The following LRRC4C variants were observed in gnomAD, a reference collection of about 807,000 sequenced individuals.
The protein encoded by LRRC4C is leucine-rich repeat-containing protein 4C.
In LRRC4C, 5 loss-of-function variants were observed where a neutral mutation model predicts 33.6. That is an observed-to-expected ratio of 0.15 (90% confidence interval 0.08 to 0.31). The LOEUF (loss-of-function observed/expected upper bound fraction) is 0.31. Among genes scored for constraint, LRRC4C ranks in the 10% least tolerant of loss-of-function variants. The pLI, the probability that LRRC4C is intolerant of heterozygous loss-of-function variation, is 1.00. For synonymous variants in LRRC4C, 329 were observed against 302.0 expected (o/e 1.09, Z -0.93); for missense variants, 560 against 796.7 (o/e 0.70, Z 3.58).
At chr11:40,784,855 T>C (rs1265767205) in intron 2 of LRRC4C, among the ~76,000 whole-genome samples, 1 of 151,174 alleles carries the variant, frequency 6.6e-6, no homozygotes, top group Non-Finnish European at 1.5e-5. Flanking sequence ...ATCCAATAAA[T>C]TAGAAAGAAG....
At chr11:40,701,352 C>G (rs574818611) in intron 2 of LRRC4C, among the ~76,000 whole-genome samples, 3 of 151,992 alleles carry the variant, frequency 2.0e-5, no homozygotes, top group Non-Finnish European at 4.4e-5. Flanking sequence ...TTCAAAGATG[C>G]ACTACCTTCT....
intron 1 of LRRC4C, among the ~76,000 whole-genome samples, chr11:40,989,292 G>A (rs959123610): frequency 6.6e-6 from 1 of 152,084 alleles, no homozygotes; most frequent in Admixed American, 6.6e-5. Context: ...TTTTTTGAAT[G>A]ACTGTTCTGT....
chr11:40,629,544 A>G (rs2136004907), intron 3 of LRRC4C, among the ~76,000 whole-genome samples: 1 of 152,306 alleles, frequency 6.6e-6, no homozygotes, highest in East Asian at 1.9e-4. Context: ...TCACACTAGA[A>G]CATGTGCTTC....
chr11:41,148,352 C>G (rs1331639225), intron 1 of LRRC4C, among the ~76,000 whole-genome samples: 6 of 152,118 alleles, frequency 3.9e-5, no homozygotes, highest in African/African-American at 7.2e-5. Context: ...GATCACAACA[C>G]TGTACTGTAG....
At chr11:41,220,679 C>A (rs1759467449) in intron 1 of LRRC4C, among the ~76,000 whole-genome samples, 1 of 152,028 alleles carries the variant, frequency 6.6e-6, no homozygotes, top group African/African-American at 2.4e-5. Context: ...AAAAGATGAT[C>A]ACTTTTCCCA....
At chr11:41,337,401 C>T (rs1161216375) in intron 1 of LRRC4C, among the ~76,000 whole-genome samples, 1 of 142,894 alleles carries the variant, frequency 7.0e-6, no homozygotes, top group African/African-American at 2.4e-5. Context: ...AAATGCTTGG[C>T]ATTCTTCAGC....
intron 3 of LRRC4C, among the ~76,000 whole-genome samples, chr11:40,503,196 G>T (rs1055612950): frequency 1.3e-5 from 2 of 152,142 alleles, no homozygotes; most frequent in African/African-American, 4.8e-5. Flanking sequence ...CTCTGTGAAG[G>T]TATGTAAAAA....
intron 3 of LRRC4C, among the ~76,000 whole-genome samples, chr11:40,353,073 C>T (rs1027248083): frequency 1.3e-5 from 2 of 152,106 alleles, no homozygotes; most frequent in Non-Finnish European, 2.9e-5. Context: ...TGGGTTAAAT[C>T]TTCTTGGTGC....
At chr11:41,327,161 A>C (rs1023179191) in intron 1 of LRRC4C, among the ~76,000 whole-genome samples, 1 of 152,162 alleles carries the variant, frequency 6.6e-6, no homozygotes, top group Admixed American at 6.5e-5. Flanking sequence ...TTCTAGGGAG[A>C]AGGCAGCCCA....
chr11:40,659,550 A>AT (rs1390726426), intron 2 of LRRC4C, among the ~76,000 whole-genome samples: 1 of 152,150 alleles, frequency 6.6e-6, no homozygotes, highest in African/African-American at 2.4e-5. Flanking sequence ...TTGTGAGCCC[A>AT]TAAAAACCCC....
chr11:41,432,962 G>A (rs778472707), intron 1 of LRRC4C, among the ~76,000 whole-genome samples: 14 of 152,106 alleles, frequency 9.2e-5, no homozygotes, highest in Non-Finnish European at 1.9e-4. Flanking sequence ...TATCTCAATT[G>A]TTTTAGAAGA....
At chr11:40,352,087 C>T (rs1234183448) in intron 3 of LRRC4C, among the ~76,000 whole-genome samples, 1 of 150,444 alleles carries the variant, frequency 6.6e-6, no homozygotes, top group East Asian at 2.0e-4. Flanking sequence ...TTTATAGTTC[C>T]TTCCTTCCTT....
intron 2 of LRRC4C, among the ~76,000 whole-genome samples, chr11:40,900,815 A>C (rs1316378481): frequency 6.6e-6 from 1 of 152,004 alleles, no homozygotes; most frequent in Admixed American, 6.6e-5. Flanking sequence ...AATTTCATTT[A>C]TTATTTTACA....
At chr11:41,134,814 A>C (rs914786742) in intron 1 of LRRC4C, among the ~76,000 whole-genome samples, 3 of 152,194 alleles carry the variant, frequency 2.0e-5, no homozygotes, top group African/African-American at 7.2e-5. Context: ...GGACATCAAC[A>C]TATCATTTAG....
chr11:40,287,042 T>G (rs965181079), intron 4 of LRRC4C, among the ~76,000 whole-genome samples: 3 of 152,156 alleles, frequency 2.0e-5, no homozygotes, highest in Non-Finnish European at 4.4e-5. Context: ...GGTAGTCAAT[T>G]ATGAACTCAG....
At chr11:40,356,119 T>C (rs1947659383) in intron 3 of LRRC4C, among the ~76,000 whole-genome samples, 1 of 152,150 alleles carries the variant, frequency 6.6e-6, no homozygotes. Context: ...GTAAAGTCAG[T>C]TTGATGATGA....
intron 2 of LRRC4C, among the ~76,000 whole-genome samples, chr11:40,878,337 A>G (rs1181442277): frequency 6.6e-6 from 1 of 152,118 alleles, no homozygotes; most frequent in Non-Finnish European, 1.5e-5. Context: ...TCTGCAAGCA[A>G]TTGATTTATT....
intron 1 of LRRC4C, among the ~76,000 whole-genome samples, chr11:41,217,176 G>A (rs145282120): frequency 2.1e-4 from 32 of 152,152 alleles, no homozygotes; most frequent in South Asian, 4.1e-4. Flanking sequence ...TAACAACACC[G>A]CGTAGTTCTT....
At chr11:41,080,847 T>C (rs150919893) in intron 1 of LRRC4C, among the ~76,000 whole-genome samples, 4 of 152,324 alleles carry the variant, frequency 2.6e-5, no homozygotes, top group African/African-American at 9.6e-5. Flanking sequence ...TTATTTATTG[T>C]TTCATGGCCA....
Sources: allele counts gnomAD v4.1 joint callset (sites outside exome capture counted in the v4.1 genomes callset), GRCh38; gene constraint gnomAD v4.1.1; transcripts MANE v1.5; gene names NCBI Gene and HGNC (gene_info 2026-07-23, HGNC 2026-07-21).